ALAS2: variants seen among roughly 807,000 people sequenced by gnomAD.
The protein encoded by ALAS2 is 5'-aminolevulinate synthase 2.
A neutral mutation model predicts 33.7 loss-of-function variants in ALAS2; 3 were observed. That is an observed-to-expected ratio of 0.09 (90% CI 0.04 to 0.23). ALAS2 has a LOEUF of 0.23. Among genes scored for constraint, ALAS2 ranks in the 10% least tolerant of loss-of-function variants. The probability of loss-of-function intolerance (pLI) is 1.00; values close to 1 mark genes in which losing one functional copy is unlikely to be tolerated. For synonymous variants in ALAS2, 191 were observed against 177.3 expected (o/e 1.08, Z -0.61); for missense variants, 304 against 475.1 (o/e 0.64, Z 3.35).
chrX:55,015,693 C>A lies in ALAS2; in HGVS notation c.1053G>T (p.Gly351=). The A allele has an allele frequency of 8.3e-7, 1 of 1,211,048 alleles. No homozygotes were observed. Among genetic ancestry groups the A allele is most frequent in the Non-Finnish European group, 1.1e-6 (1 of 895,321 alleles). ...GGACCTCATCCACGAAGGTCAGGGC[C>A]CCATACTGGTGGGACACATCACACA... The part of the protein sequence containing the change: ...EELCDVSHQY[G]ALTFVDEVHA... The change falls in exon 8 of 11, where the codon GGG becomes GGT. Residue 351 remains glycine (G), a synonymous_variant. Transcript: ENST00000650242.
At position 55,021,073 on chromosome X, in the gene ALAS2, G is replaced by C; in HGVS notation, c.617C>G (p.Pro206Arg). The change falls in exon 5 of 11, where the codon CCT (proline) becomes CGT (arginine). Residue 206 changes from proline to arginine, a missense_variant. By Grantham distance (103) the Pro-to-Arg change is moderately radical. Transcript: ENST00000650242. ...TCACTGTGTGGCTTGCAAGACCTGAGGGTGTCGGCTCATGCCCAGGTAATC... is the reference window on the plus strand; with the variant it reads ...TCACTGTGTGGCTTGCAAGACCTGACGGTGTCGGCTCATGCCCAGGTAATC... Reference protein sequence around the residue: ...SNDYLGMSRHPQVLQATQETL... With the variant: ...SNDYLGMSRHRQVLQATQETL... 1 of 1,211,159 alleles carries C rather than the reference G, an allele frequency of 8.3e-7. No homozygotes were observed. The highest frequency in any genetic ancestry group is 1.1e-6 in the Non-Finnish European group (1 of 895,258).
chrX:55,018,737 G>C (rs1164591426), intron 6 of ALAS2, among the ~76,000 whole-genome samples: 1 of 111,310 alleles, frequency 9.0e-6, no homozygotes, highest in African/African-American at 3.3e-5. Flanking sequence ...ATTTGGTCCT[G>C]GGGGAATGGG....
At chrX:55,023,656 G>T in intron 4 of ALAS2, 101 bp downstream of exon 4, 1 of 714,848 alleles carries the variant, frequency 1.4e-6, no homozygotes, top group Non-Finnish European at 2.1e-6. Context: ...ATTTCCTTTG[G>T]TTCCAAGGCC....
chrX:55,027,763 C>T (rs765715509), intron 1 of ALAS2: 2 of 1,211,513 alleles, frequency 1.7e-6, no homozygotes, highest in Non-Finnish European at 1.1e-6. Flanking sequence ...CACAAAACAA[C>T]CTCTTTTTCT....
intron 1 of ALAS2, among the ~76,000 whole-genome samples, chrX:55,026,239 G>A (rs1363540465): frequency 8.9e-6 from 1 of 111,964 alleles, no homozygotes; most frequent in African/African-American, 3.3e-5. Flanking sequence ...GAAGGAAACA[G>A]TTCTAACTGG....
chrX:55,021,153 T>C lies in ALAS2; in HGVS notation c.537A>G (p.Gln179=). The C allele has an allele frequency of 8.3e-7, 1 of 1,211,672 alleles. No homozygotes were observed. Among genetic ancestry groups the C allele is most frequent in the African/African-American group, 1.7e-5 (1 of 57,798 alleles). ...AGGCCACAGATGCCTCAGAGAAATG[T>C]TGGGCAAAGGGATATGCATCAGCCC... The part of the protein sequence containing the change: ...NRWADAYPFA[Q]HFSEASVASK... The change falls in exon 5 of 11, where the codon CAA becomes CAG. Residue 179 remains glutamine, a synonymous_variant. Coordinates refer to ENST00000650242, the MANE Select transcript of ALAS2 (RefSeq NM_000032.5).
chrX:55,012,410 C>T (rs1424685351), intron 10 of ALAS2, among the ~76,000 whole-genome samples: 1 of 112,109 alleles, frequency 8.9e-6, no homozygotes, highest in Non-Finnish European at 1.9e-5. Flanking sequence ...CTATATCTGG[C>T]TCCTCTGCTA....
intron 10 of ALAS2, among the ~76,000 whole-genome samples, chrX:55,012,707 A>G (rs1407074737): frequency 8.9e-6 from 1 of 112,094 alleles, no homozygotes; most frequent in African/African-American, 3.3e-5. Context: ...GAATTGCTTG[A>G]GCCAGGACCC....
At chrX:55,018,381 T>G (rs1470849160) in intron 6 of ALAS2, among the ~76,000 whole-genome samples, 1 of 111,181 alleles carries the variant, frequency 9.0e-6, no homozygotes, top group African/African-American at 3.3e-5. Context: ...GTGGCCTTAT[T>G]ATAAGATTAA....
Position 55,025,863 on chromosome X carries a change from T to C in ALAS2, c.138A>G (p.Pro46=). 1 of 1,211,939 alleles carries C rather than the reference T, an allele frequency of 8.3e-7. No individual in the cohort carries two copies. The highest frequency in any genetic ancestry group is 1.1e-6 in the Non-Finnish European group (1 of 895,579). The change falls in exon 2 of 11, where the codon CCA becomes CCG. Residue 46 remains proline (P), a synonymous_variant. Transcript: ENST00000650242. ...CCTTAAGGTGGATTTGAGAACAGTT[T>C]GGTCCTTGGGTAGCCAGGATGGGAC... ...GRCPILATQG[P]NCSQIHLKAT... is the part of the protein sequence containing the mutation.
chrX:55,014,829 C>T lies in ALAS2; in HGVS notation c.1355G>A (p.Arg452His), dbSNP rs863223904. 3 of 1,203,922 alleles carry T rather than the reference C, an allele frequency of 2.5e-6. No homozygotes were observed. Among genetic ancestry groups the T allele is most frequent in the Admixed American group, 2.2e-5 (1 of 45,269 alleles). The change falls in exon 9 of 11, where the codon CGC becomes CAC. Residue 452 changes from arginine to histidine, a missense_variant. Physicochemically the swap from Arg to His is conservative, Grantham distance 29. Transcript: ENST00000650242. ...EGQALRRAHQ[R>H]NVKHMRQLLM... ...TAGCTGGCGCATGTGCTTGACATTG[C>T]GCTGGTGGGCTCGCCTCAGGGCTTG...
chrX:55,024,512 A>G (rs1049409643), intron 3 of ALAS2, among the ~76,000 whole-genome samples: 29 of 112,191 alleles, frequency 2.6e-4, no homozygotes, highest in African/African-American at 9.1e-4. Flanking sequence ...TAAAAGTTTC[A>G]GGAGCCCGTA....
intron 4 of ALAS2, among the ~76,000 whole-genome samples, chrX:55,022,925 T>C (rs1935828264): frequency 8.9e-6 from 1 of 111,819 alleles, no homozygotes; most frequent in Admixed American, 9.5e-5. Context: ...CAAGATATTA[T>C]TAGGTAAAAA....
rs371131963 is a variant in ALAS2, at chrX:55,025,897, A to G, written c.104T>C (p.Ile35Thr). Residue 35 changes from isoleucine (I) to threonine (T), a missense_variant, in exon 2 of 11, where the codon ATT (isoleucine) becomes ACT (threonine). Transcript: ENST00000650242. ...VVKTHQFLFG[I>T]GRCPILATQG... ...GGTAGCCAGGATGGGACAGCGTCCA[A>G]TACCAAACAGGAACTGGTGAGTCTT... 28 of 1,209,722 alleles carry G rather than the reference A, an allele frequency of 2.3e-5. No individual in the cohort carries two copies. Among genetic ancestry groups the G allele is most frequent in the Non-Finnish European group, 3.0e-5 (27 of 895,176 alleles).
chrX:55,026,063 A>G (rs749044275), intron 1 of ALAS2, 48 bp from the exon 2 acceptor site: 1 of 1,129,627 alleles, frequency 8.9e-7, no homozygotes, highest in Non-Finnish European at 1.2e-6. Flanking sequence ...GGGCCTGGCA[A>G]AAAGCCAAGC....
chrX:55,012,235 G>A (rs1179031495), intron 10 of ALAS2, among the ~76,000 whole-genome samples: 3 of 111,377 alleles, frequency 2.7e-5, no homozygotes, highest in Non-Finnish European at 5.7e-5. Context: ...CCCTTATTCT[G>A]GAATATTCTT....
rs73490421 is a variant in ALAS2 at position 55,023,560 on chromosome X, T to C, written c.415+197A>G. Among the ~76,000 whole-genome samples, 2,561 of 110,763 alleles carry C rather than the reference T, an allele frequency of 0.023. 87 individuals carry two copies. Among genetic ancestry groups the C allele is most frequent in the African/African-American group, 0.08 (2,420 of 30,369 alleles). ...TTCTTCTCATGGTAACCTATTGAGGTAGGTATTAAATGCCACTGAAGGAAA... is the reference window on the plus strand; with the variant it reads ...TTCTTCTCATGGTAACCTATTGAGGCAGGTATTAAATGCCACTGAAGGAAA... On this transcript the variant is annotated intron_variant, in intron 4 of 10. Coordinates refer to ENST00000650242, the MANE Select transcript of ALAS2 (RefSeq NM_000032.5).
Position 55,024,783 on chromosome X carries a change from C to T in ALAS2, c.239G>A (p.Gly80Glu), listed in dbSNP as rs776066917. ...TGCCTTCTGCACAATCTTGCTCTTC[C>T]CATCCTGGAGTTCCGACAGCATGAA... ...CPFMLSELQD[G>E]KSKIVQKAAP... The change falls in exon 3 of 11, where the codon GGG (glycine) becomes GAG (glutamate). Residue 80 changes from glycine (G) to glutamate (E), a missense_variant. By Grantham distance (98) the Gly-to-Glu change is moderately conservative (BLOSUM62 -2). Around this residue, in one of 3 missense-constraint regions of ALAS2, gnomAD observed 71 missense variants for 82.8 expected, o/e 0.86. Coordinates refer to ENST00000650242, the MANE Select transcript of ALAS2 (RefSeq NM_000032.5). 15 of 1,211,585 alleles carry T rather than the reference C, an allele frequency of 1.2e-5. No homozygotes were observed. Among genetic ancestry groups the T allele is most frequent in the Non-Finnish European group, 1.7e-5 (15 of 895,210 alleles).
At chrX:55,020,246 G>A in intron 6 of ALAS2, 74 bp downstream of exon 6, 1 of 1,040,248 alleles carries the variant, frequency 9.6e-7, no homozygotes, top group Non-Finnish European at 1.3e-6. Context: ...CAGGGAAGGA[G>A]TGATGGAACC....
Sources: allele counts gnomAD v4.1 joint callset (sites outside exome capture counted in the v4.1 genomes callset), GRCh38; gene constraint gnomAD v4.1.1; regional missense constraint gnomAD v4.1.1; transcripts MANE v1.5; gene names NCBI Gene and HGNC (gene_info 2026-07-23, HGNC 2026-07-21).